GAP43: variants seen among roughly 807,000 people sequenced by gnomAD.
GAP43 encodes the protein neuromodulin.
GAP43 carries 6 observed loss-of-function variants against 18.6 expected under a neutral mutation model. The ratio of observed to expected loss-of-function variants is 0.32; its 90% CI spans 0.18 to 0.64. GAP43 has a LOEUF of 0.64. Ranked by LOEUF, GAP43 falls within the 30% of genes least tolerant of loss-of-function variation. GAP43 has a pLI of 0.78. For missense variants in GAP43, 292 were observed against 295.5 expected (o/e 0.99, Z 0.09); for synonymous variants, 115 against 111.4 (o/e 1.03, Z -0.20).
At chr3:115,669,736 A>T (rs1708788200) in intron 1 of GAP43, among the ~76,000 whole-genome samples, 1 of 152,178 alleles carries the variant, frequency 6.6e-6, no homozygotes, top group Admixed American at 6.5e-5. Flanking sequence ...TTGAATAAAT[A>T]ATACATTAAA....
chr3:115,627,696 G>C (rs930176108), intron 1 of GAP43, among the ~76,000 whole-genome samples: 18 of 152,142 alleles, frequency 1.2e-4, no homozygotes, highest in African/African-American at 4.3e-4. Flanking sequence ...AGGTATAGCA[G>C]CATTTAACTA....
chr3:115,631,115 A>G (rs1354559018), intron 1 of GAP43, among the ~76,000 whole-genome samples: 2 of 152,190 alleles, frequency 1.3e-5, no homozygotes, highest in Non-Finnish European at 2.9e-5. Context: ...CTTAGATCAG[A>G]GAGACACACT....
intron 1 of GAP43, among the ~76,000 whole-genome samples, chr3:115,648,313 A>G (rs1386119938): frequency 6.6e-6 from 1 of 151,356 alleles, no homozygotes; most frequent in Non-Finnish European, 1.5e-5. Context: ...TGAGACTGGG[A>G]CTCCTCTGTC....
At chr3:115,675,402 T>TA (rs1290382079) in intron 1 of GAP43, among the ~76,000 whole-genome samples, 1 of 151,812 alleles carries the variant, frequency 6.6e-6, no homozygotes, top group Admixed American at 6.6e-5. Flanking sequence ...AAAGTACTTC[T>TA]AAAAAAAAGG....
At chr3:115,651,028 A>G (rs1044091671) in intron 1 of GAP43, among the ~76,000 whole-genome samples, 7 of 152,132 alleles carry the variant, frequency 4.6e-5, no homozygotes, top group African/African-American at 1.7e-4. Flanking sequence ...GCTACTTGGG[A>G]GGCTGAGGTG....
At chr3:115,658,356 G>T (rs780105338) in intron 1 of GAP43, among the ~76,000 whole-genome samples, 14 of 152,140 alleles carry the variant, frequency 9.2e-5, no homozygotes, top group Non-Finnish European at 1.8e-4. Context: ...CCAAGTCAGG[G>T]CTTCGTTTCT....
chr3:115,631,947 G>A (rs1708265352), intron 1 of GAP43, among the ~76,000 whole-genome samples: 1 of 152,126 alleles, frequency 6.6e-6, no homozygotes, highest in African/African-American at 2.4e-5. Context: ...GCTAATGGAT[G>A]GGAACATAGT....
intron 2 of GAP43, among the ~76,000 whole-genome samples, chr3:115,705,717 G>T (rs1677777749): frequency 6.6e-6 from 1 of 152,122 alleles, no homozygotes. Context: ...GAAAAGCTAA[G>T]AAAGTAGATT....
At position 115,623,574 on chromosome 3, in the gene GAP43, G is replaced by C; in HGVS notation, c.-116G>C. On this transcript the variant is annotated 5_prime_UTR_variant, in exon 1 of 3. Coordinates refer to ENST00000305124, the MANE Select transcript of GAP43 (RefSeq NM_002045.4). ...AGAGGGAGGGAGGGAGAGAGAGCGC[G>C]CTAGCGCGAGAGAGCGAGTGAGCAA... 1 of 1,368,978 alleles carries C rather than the reference G, an allele frequency of 7.3e-7. No homozygotes were observed. Among genetic ancestry groups the C allele is most frequent in the South Asian group, 1.2e-5 (1 of 83,166 alleles). The allele number at this position is 1,368,978 out of a possible 1,614,324, so 84.8% of individuals were successfully genotyped here.
intron 2 of GAP43, among the ~76,000 whole-genome samples, chr3:115,689,234 C>T (rs954316143): frequency 1.1e-4 from 17 of 152,166 alleles, no homozygotes; most frequent in African/African-American, 2.4e-4. Context: ...TTATTTTCTC[C>T]GTAGCATTCT....
At chr3:115,716,725 T>TATATAC (rs1709508829) in intron 2 of GAP43, among the ~76,000 whole-genome samples, 1 of 47,434 alleles carries the variant, frequency 2.1e-5, no homozygotes, top group African/African-American at 1.3e-4. Flanking sequence ...CAAATATATA[T>TATATAC]ATATATATAT....
intron 2 of GAP43, among the ~76,000 whole-genome samples, chr3:115,702,715 G>T (rs913687982): frequency 4.6e-5 from 7 of 152,062 alleles, no homozygotes; most frequent in African/African-American, 1.7e-4. Context: ...AACTAAACAG[G>T]ATTTGTTTCT....
chr3:115,663,005 C>A (rs192994981), intron 1 of GAP43, among the ~76,000 whole-genome samples: 30 of 152,218 alleles, frequency 2.0e-4, no homozygotes, highest in African/African-American at 7.2e-4. Flanking sequence ...AATTTTCTTT[C>A]TTTGATGGCT....
intron 2 of GAP43, among the ~76,000 whole-genome samples, chr3:115,687,888 C>G (rs905481249): frequency 1.3e-5 from 2 of 152,090 alleles, no homozygotes; most frequent in African/African-American, 2.4e-5. Flanking sequence ...CTGTACTTAG[C>G]TTGAATTGTT....
chr3:115,656,614 G>T (rs921575100), intron 1 of GAP43, among the ~76,000 whole-genome samples: 1 of 152,200 alleles, frequency 6.6e-6, no homozygotes, highest in African/African-American at 2.4e-5. Context: ...CTTCGATTTT[G>T]TAATAATAGA....
At chr3:115,648,260 G>A (rs572323563) in intron 1 of GAP43, among the ~76,000 whole-genome samples, 16 of 152,066 alleles carry the variant, frequency 1.1e-4, no homozygotes, top group Non-Finnish European at 2.4e-4. Flanking sequence ...TTCTGCTTCT[G>A]ACTCCTTCAG....
chr3:115,663,988 T>C (rs1005722966), intron 1 of GAP43: 9 of 1,439,934 alleles, frequency 6.3e-6, no homozygotes, highest in Non-Finnish European at 8.5e-6. Flanking sequence ...TTACTAGCTG[T>C]ATGACTTTGA....
intron 1 of GAP43, among the ~76,000 whole-genome samples, chr3:115,673,789 G>A (rs1708842694): frequency 6.6e-6 from 1 of 152,196 alleles, no homozygotes; most frequent in Non-Finnish European, 1.5e-5. Flanking sequence ...GAGCAGTGGA[G>A]GAGGGAGAAG....
intron 1 of GAP43, among the ~76,000 whole-genome samples, chr3:115,638,804 G>A (rs1708360526): frequency 6.6e-6 from 1 of 151,864 alleles, no homozygotes; most frequent in South Asian, 2.1e-4. Flanking sequence ...TGTGGCTGCA[G>A]TTATTTTCTT....
Sources: allele counts gnomAD v4.1 joint callset (sites outside exome capture counted in the v4.1 genomes callset), GRCh38; gene constraint gnomAD v4.1.1; transcripts MANE v1.5; gene names NCBI Gene and HGNC (gene_info 2026-07-23, HGNC 2026-07-21).